EXOSC7: variants seen among roughly 807,000 people sequenced by gnomAD.
The protein encoded by EXOSC7 is exosome component 7, also known as exosome complex component RRP42.
Under a neutral mutation model 34.3 loss-of-function variants are expected in EXOSC7, and 25 were observed. The observed-to-expected ratio is 0.73, with a 90% CI of 0.53 to 1.02. EXOSC7 has a LOEUF of 1.02. EXOSC7 is among the 50% of genes least tolerant of loss of function. The probability of loss-of-function intolerance (pLI) is 0.00; values close to 1 mark genes in which losing one functional copy is unlikely to be tolerated. For synonymous variants in EXOSC7, 130 were observed against 143.0 expected (o/e 0.91, Z 0.65); for missense variants, 370 against 368.5 (o/e 1.00, Z -0.03).
At chr3:44,995,055 G>A (rs1328230952) in intron 3 of EXOSC7, among the ~76,000 whole-genome samples, 3 of 152,108 alleles carry the variant, frequency 2.0e-5, no homozygotes, top group African/African-American at 7.2e-5. Context: ...TGCGATCTCA[G>A]CTCACTGCAA....
intron 3 of EXOSC7, among the ~76,000 whole-genome samples, chr3:44,989,945 T>C (rs1241522942): frequency 6.6e-6 from 1 of 152,248 alleles, no homozygotes; most frequent in Non-Finnish European, 1.5e-5. Flanking sequence ...GATTGTGTTA[T>C]GGTGCTTTGA....
intron 1 of EXOSC7, chr3:44,977,481 A>G (rs1413263283): frequency 6.6e-6 from 1 of 152,222 alleles, no homozygotes; most frequent in Non-Finnish European, 1.5e-5. Context: ...CCCTTTATAT[A>G]TGAAGAAATG....
chr3:45,009,190 A>G (rs1302420792), intron 7 of EXOSC7, among the ~76,000 whole-genome samples: 1 of 152,192 alleles, frequency 6.6e-6, no homozygotes, highest in Admixed American at 6.5e-5. Flanking sequence ...CAGTGAGCTG[A>G]GCTTTGTCCT....
intron 6 of EXOSC7, among the ~76,000 whole-genome samples, chr3:45,006,264 G>C (rs951440707): frequency 6.6e-6 from 1 of 151,160 alleles, no homozygotes; most frequent in African/African-American, 2.4e-5. Flanking sequence ...TTTTAGTAGA[G>C]ACGGTGTTTC....
At chr3:44,994,683 G>A (rs9835136) in intron 3 of EXOSC7, among the ~76,000 whole-genome samples, 91,277 of 151,728 alleles carry the variant, frequency 0.6, 28,230 homozygotes, top group East Asian at 0.89. Context: ...TTCTTATGTT[G>A]CTTAAAGCAT....
chr3:45,000,852 TC>T (rs1237957142), intron 4 of EXOSC7, among the ~76,000 whole-genome samples: 11 of 152,076 alleles, frequency 7.2e-5, no homozygotes, highest in Admixed American at 6.6e-4. Context: ...AGGTGATCAG[TC>T]CCACCTTCAG....
chr3:44,982,187 C>T (rs1378083553), intron 1 of EXOSC7, among the ~76,000 whole-genome samples: 1 of 152,240 alleles, frequency 6.6e-6, no homozygotes, highest in Non-Finnish European at 1.5e-5. Context: ...TAACTCCTTT[C>T]TTCTCTCAAG....
intron 5 of EXOSC7, chr3:45,002,248 A>C (rs1249089844): frequency 6.6e-6 from 1 of 152,262 alleles, no homozygotes; most frequent in African/African-American, 2.4e-5. Context: ...AGCATTTATG[A>C]GTAAATACGT....
At chr3:44,978,738 A>T (rs187276478) in intron 1 of EXOSC7, among the ~76,000 whole-genome samples, 1 of 152,214 alleles carries the variant, frequency 6.6e-6, no homozygotes, top group Admixed American at 6.5e-5. Context: ...GTGGAGCCCA[A>T]GGGGTGGGCT....
At chr3:45,011,610 G>GT (rs1411952020), downstream of EXOSC7, 5 of 289,390 alleles carry the variant, frequency 1.7e-5, no homozygotes, top group Non-Finnish European at 2.5e-5. Flanking sequence ...CTGGAGTAAA[G>GT]ACCTGACAGA....
At chr3:44,989,082 C>T (rs986449507) in intron 1 of EXOSC7, 58 bp from the exon 2 acceptor site, 21 of 1,179,146 alleles carry the variant, frequency 1.8e-5, no homozygotes, top group South Asian at 2.5e-5. Context: ...TGGGTGAGTC[C>T]GTTTAGGAGT....
chr3:45,007,721 G>A (rs1451773763), intron 7 of EXOSC7, 146 bp downstream of exon 7: 1 of 907,310 alleles, frequency 1.1e-6, no homozygotes, highest in East Asian at 2.8e-5. Context: ...TTGAGCCAGG[G>A]GTCTGCTGAC....
rs1356349663 is a variant in EXOSC7, at chr3:44,989,259, G to A, written c.159+18G>A. 1 of 1,578,518 alleles carries A rather than the reference G, an allele frequency of 6.3e-7. No homozygotes were observed. The highest frequency in any genetic ancestry group is 1.1e-5 in the South Asian group (1 of 90,210). On this transcript the variant is annotated intron_variant, in intron 2 of 7. Transcript: ENST00000265564. ...TCAAGCTGGTGAGTACTGTGACCAT[G>A]GTTCAAGCCCAGGTGGAGAAATGAG... is the stretch of plus-strand genomic sequence containing the variant.
Position 44,997,137 on chromosome 3 carries a change from G to A in EXOSC7, c.305G>A (p.Gly102Asp). The change falls in exon 4 of 8, where the codon GGC becomes GAC. Residue 102 changes from glycine to aspartate, a missense_variant. This residue lies in a region of EXOSC7 where 255 missense variants were observed against 246.4 expected (regional missense o/e 1.03). Coordinates refer to ENST00000265564, the MANE Select transcript of EXOSC7 (RefSeq NM_015004.4). ...GAAGGTAGAGGAGGTGATGACCTTGGCACCGAGATCGCTAACACCCTCTAT... is the reference window on the plus strand; with the variant it reads ...GAAGGTAGAGGAGGTGATGACCTTGACACCGAGATCGCTAACACCCTCTAT... ...EFEGRGGDDL[G>D]TEIANTLYRI... 6.2e-7 allele frequency: 1 copy of A among 1,612,348 alleles called. No homozygotes were observed. Among genetic ancestry groups the A allele is most frequent in the Non-Finnish European group, 8.5e-7 (1 of 1,179,430 alleles).
At chr3:44,997,555 A>G (rs1464916832) in intron 4 of EXOSC7, among the ~76,000 whole-genome samples, 1 of 152,244 alleles carries the variant, frequency 6.6e-6, no homozygotes, top group Non-Finnish European at 1.5e-5. Flanking sequence ...GGATGGTGCC[A>G]GACAGAGTTC....
intron 2 of EXOSC7, 87 bp downstream of exon 2, chr3:44,989,328 A>C: frequency 9.3e-7 from 1 of 1,078,346 alleles, no homozygotes; most frequent in South Asian, 1.4e-5. Context: ...GGCTTTTGGA[A>C]TGCAAATTGC....
At chr3:45,007,645 C>A in intron 7 of EXOSC7, 70 bp downstream of exon 7, 1 of 1,441,784 alleles carries the variant, frequency 6.9e-7, no homozygotes, top group South Asian at 1.4e-5. Context: ...CTCCCTTGGT[C>A]ATACCGTGGG....
chr3:45,006,404 GTTTTTTTTTTT>G (rs545281987), intron 6 of EXOSC7, among the ~76,000 whole-genome samples: 1 of 61,706 alleles, frequency 1.6e-5, no homozygotes, highest in South Asian at 9.4e-4. Context: ...TTGTTTATTT[GTTTTTTTTTTT>G]TTTTTTTTTT....
intron 1 of EXOSC7, among the ~76,000 whole-genome samples, chr3:44,984,144 G>A (rs756938312): frequency 1.3e-5 from 2 of 152,146 alleles, no homozygotes; most frequent in African/African-American, 2.4e-5. Flanking sequence ...ACAAAGAGGT[G>A]TGACTAATCT....
Sources: allele counts gnomAD v4.1 joint callset (sites outside exome capture counted in the v4.1 genomes callset), GRCh38; gene constraint gnomAD v4.1.1; regional missense constraint gnomAD v4.1.1; transcripts MANE v1.5; gene names NCBI Gene and HGNC (gene_info 2026-07-23, HGNC 2026-07-21).